Variants in WDR4 observed in about 807,000 individuals in gnomAD.
The protein encoded by WDR4 is WDR4 tRNA N7-guanosine methyltransferase non-catalytic subunit.
In WDR4, 47 loss-of-function variants were observed where a neutral mutation model predicts 48.6. The ratio of observed to expected loss-of-function variants is 0.97; its 90% CI spans 0.77 to 1.23. The LOEUF (loss-of-function observed/expected upper bound fraction) is 1.23. Among genes scored for constraint, WDR4 ranks in the 50% most tolerant of loss-of-function variants. The pLI is 0.00. For missense variants in WDR4, 606 were observed against 551.6 expected, an observed-to-expected ratio of 1.10 and a Z score of -0.99; for synonymous variants, 268 against 230.0, an observed-to-expected ratio of 1.17 and a Z score of -1.49.
intron 2 of WDR4, among the ~76,000 whole-genome samples, chr21:42,873,988 C>T (rs559424222): frequency 2.6e-5 from 4 of 152,212 alleles, no homozygotes; most frequent in African/African-American, 4.8e-5. Context: ...AGGACTAACC[C>T]AAGGCTAGAG....
rs377268812 is a variant in WDR4 at position 42,873,664 on chromosome 21, G to C, written c.183C>G (p.Ser61Arg). 8.1e-6 allele frequency: 13 copies of C among 1,614,042 alleles called. No individual in the cohort carries two copies. The Admixed American group carries it at 2.0e-4, about 25-fold the overall frequency. The stretch of plus-strand genomic sequence containing the variant: ...AGAAGGTGGACGCCAGAATCGCACC[G>C]CTCCCCTGGTCCAAGGGCGCGTCCT... ...KGEDAPLDQGSGAILASTFSK... is the reference protein window; with the variant it reads ...KGEDAPLDQGRGAILASTFSK... The change falls in exon 3 of 11, where the codon AGC (serine) becomes AGG (arginine). Residue 61 changes from serine to arginine, a missense_variant. Ser to Arg is a moderately radical substitution (Grantham distance 110, BLOSUM62 -1). Transcript: ENST00000398208.
chr21:42,867,393 CAAAA>C (rs1209418380), intron 3 of WDR4, among the ~76,000 whole-genome samples: 1 of 133,516 alleles, frequency 7.5e-6, no homozygotes. Flanking sequence ...TCCGCTCCAC[CAAAA>C]AAAAAAAAAA....
intron 7 of WDR4, 39 bp from the exon 8 acceptor site, chr21:42,854,665 C>T (rs1238908145): frequency 1.2e-6 from 2 of 1,601,902 alleles, no homozygotes; most frequent in Admixed American, 1.7e-5. Context: ...ACGCCACCTG[C>T]AGGGGCCCGA....
At position 42,849,769 on chromosome 21, in the gene WDR4, C is replaced by T. The variant is rs1316186240; in HGVS notation, c.*280G>A. 2 of 368,528 alleles carry T rather than the reference C, an allele frequency of 5.4e-6. No individual in the cohort carries two copies. The highest frequency in any genetic ancestry group is 4.9e-6 in the Non-Finnish European group (1 of 204,660). The allele number at this position is 368,528 out of a possible 1,614,324, so 22.8% of individuals were successfully genotyped here. On this transcript the variant is annotated 3_prime_UTR_variant, in exon 11 of 11. Coordinates refer to ENST00000398208, the MANE Select transcript of WDR4 (RefSeq NM_018669.6). ...AAACACAGACAGCTGCCGCCACCAC[C>T]GGCTCACACGCAGCCTCCGACATGA...
At chr21:42,876,218 C>CA in intron 2 of WDR4, among the ~76,000 whole-genome samples, 1 of 105,878 alleles carries the variant, frequency 9.4e-6, no homozygotes, top group African/African-American at 3.9e-5. Context: ...ACACTGTACT[C>CA]TTTTTTTTTT....
chr21:42,850,148 C>T lies in WDR4; in HGVS notation c.1140G>A (p.Gln380=). 1 of 1,614,136 alleles carries T rather than the reference C, an allele frequency of 6.2e-7. No homozygotes were observed. Among genetic ancestry groups the T allele is most frequent in the Admixed American group, 1.7e-5 (1 of 60,022 alleles). ...SYLKKKEERL[Q]QQLEKKQRRR... ...GCCGCTGCTTCTTCTCTAGCTGCTG[C>T]TGCAGTCTCTCCTCTTTCTTCTTCA... Residue 380 remains glutamine, a synonymous_variant, in exon 11 of 11, where the codon CAG becomes CAA. Transcript: ENST00000398208.
In WDR4 at chr21:42,850,241, G is replaced by C. The variant is rs138524513; in HGVS notation, c.1047C>G (p.Gly349=). ...VLRGNWAMLE[G]SAGADASFSS... ...TGAAGCTGGCGTCTGCGCCGGCAGA[G>C]CCTGTGATGGGGGAACAAGGACAGG... Residue 349 remains glycine, a splice_region_variant and synonymous_variant, in exon 11 of 11, where the codon GGC becomes GGG. Coordinates refer to ENST00000398208, the MANE Select transcript of WDR4 (RefSeq NM_018669.6). 1 of 1,589,704 alleles carries C rather than the reference G, an allele frequency of 6.3e-7. No individual in the cohort carries two copies. The highest frequency in any genetic ancestry group is 8.6e-7 in the Non-Finnish European group (1 of 1,166,868).
At chr21:42,879,548 G>C (rs1408247370), upstream of WDR4, 2 of 1,593,308 alleles carry the variant, frequency 1.3e-6, no homozygotes, top group African/African-American at 1.3e-5. Context: ...GCCTCTTCCT[G>C]TCCGCACCGG....
At chr21:42,857,784 T>C (rs757970271) in intron 6 of WDR4, among the ~76,000 whole-genome samples, 24 of 132,980 alleles carry the variant, frequency 1.8e-4, no homozygotes, top group Non-Finnish European at 3.2e-4. Flanking sequence ...AAATACGAGA[T>C]TGAACAGGAA....
At chr21:42,854,722 GC>G in intron 7 of WDR4, 96 bp from the exon 8 acceptor site, 3 of 1,138,400 alleles carry the variant, frequency 2.6e-6, no homozygotes, top group Non-Finnish European at 3.8e-6. Flanking sequence ...GGACGCTCAC[GC>G]CCCCACATAT....
chr21:42,852,441 G>A, intron 9 of WDR4, 117 bp from the exon 10 acceptor site: 4 of 1,176,902 alleles, frequency 3.4e-6, no homozygotes, highest in Non-Finnish European at 4.8e-6. Context: ...CCTGGTGCCT[G>A]GGGACCCCCA....
At chr21:42,889,306 A>C in the WDR4 span, among the ~76,000 whole-genome samples, 1 of 152,052 alleles carries the variant, frequency 6.6e-6, no homozygotes, top group East Asian at 1.9e-4. Flanking sequence ...TTAAAACTTG[A>C]GATGTCCTGA....
At chr21:42,855,028 C>T (rs758218636) in intron 7 of WDR4, among the ~76,000 whole-genome samples, 34 of 151,954 alleles carry the variant, frequency 2.2e-4, no homozygotes, top group Non-Finnish European at 4.4e-4. Context: ...CAGTGGCTCA[C>T]GCCTTTAATC....
the WDR4 span, among the ~76,000 whole-genome samples, chr21:42,892,610 G>A: frequency 6.6e-6 from 1 of 152,182 alleles, no homozygotes; most frequent in East Asian, 1.9e-4. Context: ...CTGGGCACGC[G>A]GCGGAAGGCA....
the WDR4 span, among the ~76,000 whole-genome samples, chr21:42,891,031 C>T: frequency 1.3e-5 from 2 of 152,230 alleles, no homozygotes; most frequent in African/African-American, 2.4e-5. Flanking sequence ...CCTTCAAAAA[C>T]CATCAAGATG....
the WDR4 span, among the ~76,000 whole-genome samples, chr21:42,891,777 T>C: frequency 6.6e-6 from 1 of 151,098 alleles, no homozygotes; most frequent in Non-Finnish European, 1.5e-5. Flanking sequence ...GCCAACATGG[T>C]GAAACCCCGT....
chr21:42,860,618 C>T (rs879389059), intron 5 of WDR4, among the ~76,000 whole-genome samples: 8 of 152,246 alleles, frequency 5.3e-5, no homozygotes, highest in African/African-American at 7.2e-5. Context: ...CCGCCCTGCA[C>T]GGCACCACAG....
rs1256314267 is a variant in WDR4 at position 42,868,700 on chromosome 21, AG to A, written c.296+4850del. ...TTTAGGGCAGGGGCCTGGGGCCACA[AG>A]GTGTCCACTCCACCTCTGGAGGGGC... is the stretch of plus-strand genomic sequence containing the variant. On this transcript the variant is annotated intron_variant, in intron 3 of 10. Coordinates refer to ENST00000398208, the MANE Select transcript of WDR4 (RefSeq NM_018669.6). Among the ~76,000 whole-genome samples, 2 of 152,212 alleles carry A rather than the reference AG, an allele frequency of 1.3e-5. 1 individual carries two copies. The highest frequency in any genetic ancestry group is 4.1e-4 in the South Asian group (2 of 4,832).
chr21:42,862,305 C>G lies in WDR4; in HGVS notation c.543G>C (p.Glu181Asp). 6.2e-7 allele frequency: 1 copy of G among 1,610,596 alleles called. No individual in the cohort carries two copies. Among genetic ancestry groups the G allele is most frequent in the South Asian group, 1.1e-5 (1 of 90,310 alleles). ...VSWAAAPHSIESFCLGHTEFV... is the reference protein window; with the variant it reads ...VSWAAAPHSIDSFCLGHTEFV... ...ACTCTGTGTGCCCCAAGCAGAAGGA[C>G]TCGATGCTATGGGGCGCCGCGGCCC... Residue 181 changes from glutamate (E) to aspartate (D), a missense_variant, in exon 5 of 11, where the codon GAG (glutamate) becomes GAC (aspartate). Transcript: ENST00000398208. The surrounding 1 kb of genome is among the most constrained non-coding windows in gnomAD (Gnocchi z 4.3).
Sources: allele counts gnomAD v4.1 joint callset (sites outside exome capture counted in the v4.1 genomes callset), GRCh38; gene constraint gnomAD v4.1.1; non-coding constraint Gnocchi (gnomAD v3.1); transcripts MANE v1.5; gene names NCBI Gene and HGNC (gene_info 2026-07-23, HGNC 2026-07-21).